Variants in BAZ2B observed in about 807,000 individuals in gnomAD.
BAZ2B encodes bromodomain adjacent to zinc finger domain protein 2B.
Under a neutral mutation model 246.0 loss-of-function variants are expected in BAZ2B, and 91 were observed. The ratio of observed to expected loss-of-function variants is 0.37; its 90% confidence interval spans 0.31 to 0.44. The LOEUF is 0.44. BAZ2B is among the 20% of genes least tolerant of loss of function. BAZ2B has a pLI of 1.00. For missense variants in BAZ2B, 2,332 were observed against 2,533.7 expected, an observed-to-expected ratio of 0.92 and a Z score of 1.71; for synonymous variants, 855 against 860.0, an observed-to-expected ratio of 0.99 and a Z score of 0.10.
intron 13 of BAZ2B, 104 bp downstream of exon 13, chr2:159,427,837 C>T (rs2070267652): frequency 1.2e-6 from 1 of 857,738 alleles, no homozygotes; most frequent in Non-Finnish European, 1.8e-6. Flanking sequence ...GCCATATGAA[C>T]TAATTAAAGA....
chr2:159,362,590 G>A (rs1467324672), intron 27 of BAZ2B, among the ~76,000 whole-genome samples: 1 of 152,168 alleles, frequency 6.6e-6, no homozygotes, highest in African/African-American at 2.4e-5. Flanking sequence ...AGTGGTTTGT[G>A]TAACCATCTT....
chr2:159,663,623 G>T, the BAZ2B span, among the ~76,000 whole-genome samples: 1 of 150,530 alleles, frequency 6.6e-6, no homozygotes, highest in Admixed American at 6.6e-5. Flanking sequence ...GGGTTCAAGC[G>T]ATTCTCCTGC....
chr2:159,453,506 A>C, intron 4 of BAZ2B, 107 bp downstream of exon 4: 26 of 1,266,050 alleles, frequency 2.1e-5, no homozygotes, highest in African/African-American at 3.0e-5. Context: ...CAAAGTTTTA[A>C]ATATACCAGG....
At chr2:159,545,047 TG>T (rs1327031051) in intron 2 of BAZ2B, among the ~76,000 whole-genome samples, 42 of 152,332 alleles carry the variant, frequency 2.8e-4, no homozygotes, top group African/African-American at 9.6e-4. Flanking sequence ...AAAATGTACT[TG>T]CTATATTATT....
intron 3 of BAZ2B, among the ~76,000 whole-genome samples, chr2:159,475,387 T>C (rs1241400541): frequency 6.6e-6 from 1 of 152,232 alleles, no homozygotes; most frequent in African/African-American, 2.4e-5. Context: ...TCATGCTGTG[T>C]TTTTCAGCTC....
the BAZ2B span, among the ~76,000 whole-genome samples, chr2:159,697,743 T>G: frequency 2.6e-5 from 4 of 152,150 alleles, no homozygotes; most frequent in Admixed American, 2.6e-4. Flanking sequence ...CTTATATAAA[T>G]ATGTTTATAC....
intron 13 of BAZ2B, among the ~76,000 whole-genome samples, chr2:159,427,553 C>T (rs1431135288): frequency 1.3e-4 from 20 of 152,048 alleles, no homozygotes; most frequent in Non-Finnish European, 2.5e-4. Flanking sequence ...GCATACATAT[C>T]CTCTTTTGGA....
chr2:159,356,448 T>A (rs966726715), intron 27 of BAZ2B, among the ~76,000 whole-genome samples: 2 of 152,184 alleles, frequency 1.3e-5, no homozygotes, highest in African/African-American at 4.8e-5. Context: ...AGATTTCTCC[T>A]CTCTGGACAG....
the BAZ2B span, among the ~76,000 whole-genome samples, chr2:159,637,980 T>C: frequency 6.6e-5 from 10 of 152,272 alleles, no homozygotes; most frequent in Non-Finnish European, 8.8e-5. Flanking sequence ...GGCCCATTGC[T>C]GTGCTGGCTT....
At chr2:159,692,236 CCT>C in the BAZ2B span, among the ~76,000 whole-genome samples, 11 of 151,982 alleles carry the variant, frequency 7.2e-5, no homozygotes, top group Admixed American at 2.0e-4. Flanking sequence ...CTCACGGTAA[CCT>C]CTGACTCCCA....
rs1246812814 is a variant in BAZ2B, at chr2:159,448,348, T to C, written c.396A>G (p.Pro132=). 2 of 1,613,328 alleles carry C rather than the reference T, an allele frequency of 1.2e-6. No homozygotes were observed. Among genetic ancestry groups the C allele is most frequent in the South Asian group, 1.1e-5 (1 of 90,920 alleles). ...CAAATAGTGGTGGAATTCCCAGTAA[T>C]GGTGGAAAGAAGGTTGCTCCTGTAC... ...HTRTGATFFP[P]LLGIPPLFAP... is the part of the protein sequence containing the mutation. Residue 132 remains proline, a synonymous_variant, in exon 5 of 37, where the codon CCA becomes CCG. Coordinates refer to ENST00000392783, the MANE Select transcript of BAZ2B (RefSeq NM_013450.4).
At chr2:159,672,924 T>C in the BAZ2B span, among the ~76,000 whole-genome samples, 11 of 152,152 alleles carry the variant, frequency 7.2e-5, no homozygotes, top group African/African-American at 1.4e-4. Context: ...AGAAAACATA[T>C]ATTAATTTCC....
At chr2:159,428,712 T>A (rs1316653382) in intron 11 of BAZ2B, among the ~76,000 whole-genome samples, 1 of 152,140 alleles carries the variant, frequency 6.6e-6, no homozygotes, top group Non-Finnish European at 1.5e-5. Context: ...GTGTACTGAT[T>A]TTTTACATCT....
the BAZ2B span, among the ~76,000 whole-genome samples, chr2:159,623,289 G>C: frequency 5.3e-5 from 8 of 151,946 alleles, no homozygotes; most frequent in African/African-American, 1.2e-4. Flanking sequence ...AAGATCACTT[G>C]AGCCTAGGTG....
At chr2:159,466,631 C>A (rs529031519) in intron 3 of BAZ2B, among the ~76,000 whole-genome samples, 65 of 152,156 alleles carry the variant, frequency 4.3e-4, no homozygotes, top group African/African-American at 1.5e-3. Flanking sequence ...AAAACAGAAC[C>A]AACAGGATAC....
intron 1 of BAZ2B, among the ~76,000 whole-genome samples, chr2:159,593,249 G>C (rs2151713112): frequency 1.3e-5 from 2 of 152,278 alleles, no homozygotes; most frequent in South Asian, 4.1e-4. Context: ...CAGTGATCAT[G>C]CAAACTTTGA....
At chr2:159,525,228 G>A (rs566141006) in intron 2 of BAZ2B, among the ~76,000 whole-genome samples, 1 of 152,286 alleles carries the variant, frequency 6.6e-6, no homozygotes, top group South Asian at 2.1e-4. Flanking sequence ...ATCCCAAGGG[G>A]AAGGACAACA....
chr2:159,630,468 A>G, the BAZ2B span, among the ~76,000 whole-genome samples: 1 of 152,264 alleles, frequency 6.6e-6, no homozygotes, highest in African/African-American at 2.4e-5. Context: ...ACACTAAGTT[A>G]ACAGTATATA....
chr2:159,392,091 C>G (rs2063402187), intron 20 of BAZ2B: 1 of 152,186 alleles, frequency 6.6e-6, no homozygotes, highest in South Asian at 2.1e-4. Flanking sequence ...GTGGATTTCT[C>G]ATGTTCCAGC....
Sources: gnomAD v4.1 joint callset for allele counts (sites outside exome capture counted in the v4.1 genomes callset) on GRCh38, gnomAD v4.1.1 for gene constraint, MANE v1.5 for transcripts, NCBI Gene and HGNC (gene_info 2026-07-23, HGNC 2026-07-21) for gene names.